The following APOA5 variants were observed in gnomAD, a reference collection of about 807,000 sequenced individuals.
APOA5 encodes apolipoprotein A-V.
Under a neutral mutation model 31.8 loss-of-function variants are expected in APOA5, and 26 were observed. The observed-to-expected ratio is 0.82, with a 90% confidence interval of 0.60 to 1.13. The LOEUF is 1.13. Ranked by LOEUF, APOA5 falls within the 50% of genes most tolerant of loss-of-function variation. The pLI is 0.00. For missense variants in APOA5, 450 were observed against 488.0 expected, an observed-to-expected ratio of 0.92 and a Z score of 0.73; for synonymous variants, 186 against 198.5, an observed-to-expected ratio of 0.94 and a Z score of 0.53.
chr11:116,790,202 G>C lies in APOA5; in HGVS notation c.1027C>G (p.Arg343Gly), dbSNP rs763777417. ...SGKVLSKLQARLDDLWEDITH... is the reference protein window; with the variant it reads ...SGKVLSKLQAGLDDLWEDITH... ...ATGTCTTCCCACAGGTCATCCAGACGGGCCTGCAGCTTGCTCAGAACCTTG... is the reference window on the plus strand; with the variant it reads ...ATGTCTTCCCACAGGTCATCCAGACCGGCCTGCAGCTTGCTCAGAACCTTG... Residue 343 changes from arginine to glycine, a missense_variant, in exon 3 of 3, where the codon CGT becomes GGT. Transcript: ENST00000227665. The C allele has an allele frequency of 3.7e-6, 6 of 1,614,248 alleles. No individual in the cohort carries two copies. Among genetic ancestry groups the C allele is most frequent in the Non-Finnish European group, 4.2e-6 (5 of 1,180,050 alleles).
intron 2 of APOA5, 46 bp downstream of exon 2, chr11:116,791,540 C>G: frequency 6.5e-7 from 1 of 1,542,080 alleles, no homozygotes; most frequent in Non-Finnish European, 8.8e-7. Flanking sequence ...TGGCATGGCC[C>G]AGCTGTCTCC....
chr11:116,790,695 G>T lies in APOA5; in HGVS notation c.534C>A (p.Ser178Arg). 1 of 1,612,636 alleles carries T rather than the reference G, an allele frequency of 6.2e-7. No homozygotes were observed. Among genetic ancestry groups the T allele is most frequent in the Non-Finnish European group, 8.5e-7 (1 of 1,179,910 alleles). The change falls in exon 3 of 3, where the codon AGC becomes AGA. Residue 178 changes from serine to arginine, a missense_variant. Ser to Arg is a moderately radical substitution (Grantham distance 110, BLOSUM62 -1). Coordinates refer to ENST00000227665, the MANE Select transcript of APOA5 (RefSeq NM_001371904.1). ...AGCGGCCGGTGTGGTGCACCACGCG[G>T]CTCTGCAGTCCCTGCAGCAAAGCCC... ...EAWALLQGLQ[S>R]RVVHHTGRFK... is the part of the protein sequence containing the mutation.
At position 116,790,531 on chromosome 11, in the gene APOA5, C is replaced by G; in HGVS notation, c.698G>C (p.Arg233Pro). 6.3e-7 allele frequency: 1 copy of G among 1,598,674 alleles called. No individual in the cohort carries two copies. The change falls in exon 3 of 3, where the codon CGG (arginine) becomes CCG (proline). Residue 233 changes from arginine to proline, a missense_variant. Transcript: ENST00000227665. ...RLSRCVQVLS[R>P]KLTLKAKALH... Reference sequence around the variant, plus strand: ...GGCCTTGGCCTTGAGCGTGAGCTTCCGGGAGAGCACCTGCACGCAGCGACT... The same window carrying G: ...GGCCTTGGCCTTGAGCGTGAGCTTCGGGGAGAGCACCTGCACGCAGCGACT...
rs1479685323 is a variant in APOA5 at position 116,790,589 on chromosome 11, C to G, written c.640G>C (p.Ala214Pro). 6.2e-7 allele frequency: 1 copy of G among 1,601,564 alleles called. No homozygotes were observed. Among genetic ancestry groups the G allele is most frequent in the Non-Finnish European group, 8.5e-7 (1 of 1,178,178 alleles). ...GCGGGGCTGGCGGGGGCGTGCGGAGCCACACTGCGGTGCAGCTCCTGCACG... is the reference window on the plus strand; with the variant it reads ...GCGGGGCTGGCGGGGGCGTGCGGAGGCACACTGCGGTGCAGCTCCTGCACG... ...RHVQELHRSVAPHAPASPARL... is the reference protein window; with the variant it reads ...RHVQELHRSVPPHAPASPARL... The change falls in exon 3 of 3, where the codon GCT (alanine) becomes CCT (proline). Residue 214 changes from alanine to proline, a missense_variant. Transcript: ENST00000227665.
chr11:116,790,471 A>T lies in APOA5; in HGVS notation c.758T>A (p.Leu253Gln). 3 of 1,602,904 alleles carry T rather than the reference A, an allele frequency of 1.9e-6. No individual in the cohort carries two copies. The highest frequency in any genetic ancestry group is 2.5e-6 in the Non-Finnish European group (3 of 1,179,854). The change falls in exon 3 of 3, where the codon CTG (leucine) becomes CAG (glutamine). Residue 253 changes from leucine (L) to glutamine (Q), a missense_variant. Leu to Gln is a moderately radical substitution (Grantham distance 113). Transcript: ENST00000227665. ...AAAGGCTCTGCTGAGCTCTTCGCGC[A>T]GCTGGTCCAGGTTCTGCTGGATGCG... ...HARIQQNLDQ[L>Q]REELSRAFAG...
At position 116,789,822 on chromosome 11, in the gene APOA5, A is replaced by G. The variant is rs1287929139; in HGVS notation, c.*306T>C. On this transcript the variant is annotated 3_prime_UTR_variant, in exon 3 of 3. Transcript: ENST00000227665. ...ACGGCAAACAGGCTTGCAGATAATC[A>G]CCCACATGCATGGTGCCTCTCCCTC... 1 of 471,554 alleles carries G rather than the reference A, an allele frequency of 2.1e-6. No homozygotes were observed. The highest frequency in any genetic ancestry group is 2.0e-5 in the African/African-American group (1 of 50,810). The allele number at this position is 471,554 out of a possible 1,614,324, so 29.2% of individuals were successfully genotyped here.
At position 116,789,600 on chromosome 11, in the gene APOA5, C is replaced by A. The variant is rs1251677037; in HGVS notation, c.*528G>T. The A allele has an allele frequency of 4.6e-6, 1 of 219,134 alleles. No homozygotes were observed. Among genetic ancestry groups the A allele is most frequent in the Admixed American group, 5.2e-5 (1 of 19,196 alleles). 13.6% of individuals were successfully genotyped at this position (219,134 alleles called of 1,614,324 possible). A position where few individuals can be genotyped will look rare whatever the true frequency, so the allele number is the denominator to read the frequency against. On this transcript the variant is annotated 3_prime_UTR_variant, in exon 3 of 3. Transcript: ENST00000227665. ...CTTTCGTACCCACCAGCATCAGAGC[C>A]AGCAGGGATATTCACACACCATCAC...
Position 116,791,864 on chromosome 11 carries a change from C to G in APOA5, c.-4G>C. On this transcript the variant is annotated 5_prime_UTR_variant, in exon 1 of 3. Coordinates refer to ENST00000227665, the MANE Select transcript of APOA5 (RefSeq NM_001371904.1). ...GCACGGCAGCCATGCTTGCCATTAC[C>G]TGCTCTGAGAAGACAGGTGGAGGGA... 4 of 1,614,154 alleles carry G rather than the reference C, an allele frequency of 2.5e-6. No homozygotes were observed. Among genetic ancestry groups the G allele is most frequent in the African/African-American group, 1.3e-5 (1 of 75,068 alleles).
rs1250533409 is a variant in APOA5, at chr11:116,789,648, T to G, written c.*480A>C. 1 of 252,752 alleles carries G rather than the reference T, an allele frequency of 4.0e-6. No homozygotes were observed. The highest frequency in any genetic ancestry group is 9.6e-5 in the East Asian group (1 of 10,422). 15.7% of individuals were successfully genotyped at this position (252,752 alleles called of 1,614,324 possible). On this transcript the variant is annotated 3_prime_UTR_variant, in exon 3 of 3. Coordinates refer to ENST00000227665, the MANE Select transcript of APOA5 (RefSeq NM_001371904.1). ...CACATGTTCTCCCCATGATATTCTC[T>G]TTCTCCCTTCTATTCCCCTGATAGC...
Position 116,791,674 on chromosome 11 carries a change from T to C in APOA5, c.73A>G (p.Lys25Glu), listed in dbSNP as rs1565325573. The C allele has an allele frequency of 6.2e-7, 1 of 1,610,348 alleles. No homozygotes were observed. Among genetic ancestry groups the C allele is most frequent in the Admixed American group, 1.7e-5 (1 of 59,546 alleles). Residue 25 changes from lysine (K) to glutamate (E), a missense_variant, in exon 2 of 3, where the codon AAA becomes GAA. Coordinates refer to ENST00000227665, the MANE Select transcript of APOA5 (RefSeq NM_001371904.1). Reference protein sequence around the residue: ...LSAFSATQARKGFWDYFSQTS... With the variant: ...LSAFSATQAREGFWDYFSQTS... ...TGGCTGAAGTAGTCCCAGAAGCCTT[T>C]CCGTGCCTGGGTGGCCGAAAACGCT...
chr11:116,791,576 G>T lies in APOA5; in HGVS notation c.161+10C>A. 1 of 1,591,508 alleles carries T rather than the reference G, an allele frequency of 6.3e-7. No individual in the cohort carries two copies. Among genetic ancestry groups the T allele is most frequent in the East Asian group, 2.3e-5 (1 of 43,368 alleles). ...TCCCTTCGCCTACACCCCTTCCCCTGGGCACTCACGCGGGCTCGCGAGCCA... is the reference window on the plus strand; with the variant it reads ...TCCCTTCGCCTACACCCCTTCCCCTTGGCACTCACGCGGGCTCGCGAGCCA... On this transcript the variant is annotated intron_variant, in intron 2 of 2. Transcript: ENST00000227665.
chr11:116,791,208 C>A, intron 2 of APOA5, 141 bp from the exon 3 acceptor site: 1 of 774,128 alleles, frequency 1.3e-6, no homozygotes, highest in South Asian at 1.5e-5. Context: ...CTTGTCCTAG[C>A]CCTGGCCAGT....
chr11:116,790,209 C>A lies in APOA5; in HGVS notation c.1020G>T (p.Leu340=). The change falls in exon 3 of 3, where the codon CTG becomes CTT. Residue 340 remains leucine (L), a synonymous_variant. Transcript: ENST00000227665. The stretch of plus-strand genomic sequence containing the variant: ...CCCACAGGTCATCCAGACGGGCCTG[C>A]AGCTTGCTCAGAACCTTGCCACTGT... ...QTDSGKVLSK[L]QARLDDLWED... is the part of the protein sequence containing the mutation. The A allele has an allele frequency of 6.2e-7, 1 of 1,614,260 alleles. No individual in the cohort carries two copies.
At position 116,790,951 on chromosome 11, in the gene APOA5, C is replaced by T. The variant is rs757827003; in HGVS notation, c.278G>A (p.Arg93Gln). The T allele has an allele frequency of 2.1e-5, 34 of 1,613,120 alleles. No homozygotes were observed. Among genetic ancestry groups the T allele is most frequent in the Non-Finnish European group, 2.8e-5 (33 of 1,179,994 alleles). The change falls in exon 3 of 3, where the codon CGG (arginine) becomes CAG (glutamine). Residue 93 changes from arginine to glutamine, a missense_variant. Coordinates refer to ENST00000227665, the MANE Select transcript of APOA5 (RefSeq NM_001371904.1). ...CTCCAACTCCTCCTGCAGCTGCCGC[C>T]GCATGCCCACCGGGTCCTGTGGGAG... ...PRLPQDPVGM[R>Q]RQLQEELEEV...
At chr11:116,791,107 G>C in intron 2 of APOA5, 40 bp from the exon 3 acceptor site, 1 of 1,517,280 alleles carries the variant, frequency 6.6e-7, no homozygotes, top group Non-Finnish European at 9.0e-7. Flanking sequence ...CAGACTGCTA[G>C]CCTCCATCAT....
Position 116,791,677 on chromosome 11 carries a change from G to A in APOA5, c.70C>T (p.Arg24Trp), listed in dbSNP as rs144178633. 5 of 1,609,694 alleles carry A rather than the reference G, an allele frequency of 3.1e-6. No individual in the cohort carries two copies. The highest frequency in any genetic ancestry group is 1.7e-4 in the Middle Eastern group (1 of 6,058). Reference protein sequence around the residue: ...LLSAFSATQARKGFWDYFSQT... With the variant: ...LLSAFSATQAWKGFWDYFSQT... ...CTGAAGTAGTCCCAGAAGCCTTTCC[G>A]TGCCTGGGTGGCCGAAAACGCTGTG... The change falls in exon 2 of 3, where the codon CGG (arginine) becomes TGG (tryptophan). Residue 24 changes from arginine to tryptophan, a missense_variant. By Grantham distance (101) the Arg-to-Trp change is moderately radical. Transcript: ENST00000227665.
At position 116,789,963 on chromosome 11, in the gene APOA5, G is replaced by A; in HGVS notation, c.*165C>T. The A allele has an allele frequency of 1.4e-6, 1 of 704,872 alleles. No individual in the cohort carries two copies. Among genetic ancestry groups the A allele is most frequent in the Non-Finnish European group, 2.4e-6 (1 of 410,012 alleles). The allele number at this position is 704,872 out of a possible 1,614,324, so 43.7% of individuals were successfully genotyped here. On this transcript the variant is annotated 3_prime_UTR_variant, in exon 3 of 3. Transcript: ENST00000227665. The stretch of plus-strand genomic sequence containing the variant: ...CATCCAGATTGGGGAGTCGCAGGAG[G>A]CTGGATGTGCAGGAGACAGCAGCCC...
rs1565324395 is a variant in APOA5, at chr11:116,790,182, T to C, written c.1047A>G (p.Glu349=). 6.2e-7 allele frequency: 1 copy of C among 1,614,252 alleles called. No homozygotes were observed. The highest frequency in any genetic ancestry group is 8.5e-7 in the Non-Finnish European group (1 of 1,180,042). ...KLQARLDDLW[E]DITHSLHDQG... ...GGTCATGAAGGCTGTGAGTGATGTC[T>C]TCCCACAGGTCATCCAGACGGGCCT... Residue 349 remains glutamate (E), a synonymous_variant, in exon 3 of 3, where the codon GAA becomes GAG. Coordinates refer to ENST00000227665, the MANE Select transcript of APOA5 (RefSeq NM_001371904.1).
At chr11:116,792,002 G>T (rs1352638384), upstream of APOA5, 3 of 892,492 alleles carry the variant, frequency 3.4e-6, no homozygotes, top group Non-Finnish European at 5.4e-6. Flanking sequence ...GGGCTGGGGA[G>T]CACAGAGCTG....
Sources: gnomAD v4.1 joint callset for allele counts on GRCh38, gnomAD v4.1.1 for gene constraint, MANE v1.5 for transcripts, NCBI Gene and HGNC (gene_info 2026-07-23, HGNC 2026-07-21) for gene names.